The following HSD17B11 variants were observed in gnomAD, a reference collection of about 807,000 sequenced individuals.
The protein encoded by HSD17B11 is estradiol 17-beta-dehydrogenase 11.
In HSD17B11, 22 loss-of-function variants were observed where a neutral mutation model predicts 27.8. The ratio of observed to expected loss-of-function variants is 0.79; its 90% CI spans 0.56 to 1.13. The LOEUF is 1.13. HSD17B11 is among the 50% of genes most tolerant of loss of function. The probability of loss-of-function intolerance (pLI) is 0.00; values close to 1 mark genes in which losing one functional copy is unlikely to be tolerated. For synonymous variants in HSD17B11, 117 were observed against 132.8 expected, an observed-to-expected ratio of 0.88 and a Z score of 0.82; for missense variants, 314 against 351.1, an observed-to-expected ratio of 0.89 and a Z score of 0.84.
chr4:87,383,648 G>A (rs796498837), intron 1 of HSD17B11, among the ~76,000 whole-genome samples: 17 of 152,072 alleles, frequency 1.1e-4, no homozygotes, highest in African/African-American at 4.1e-4. Context: ...GTCCAATTTG[G>A]GGCGCCAATT....
intron 5 of HSD17B11, among the ~76,000 whole-genome samples, chr4:87,341,440 G>A (rs1401088386): frequency 1.3e-5 from 2 of 152,184 alleles, no homozygotes; most frequent in East Asian, 1.9e-4. Flanking sequence ...CCAAAGTGCC[G>A]GGATTGCAGG....
chr4:87,357,333 G>A lies in HSD17B11; in HGVS notation c.641C>T (p.Thr214Ile), dbSNP rs1165344555. 1.2e-6 allele frequency: 2 copies of A among 1,612,684 alleles called. No individual in the cohort carries two copies. The highest frequency in any genetic ancestry group is 1.7e-6 in the Non-Finnish European group (2 of 1,179,578). The change falls in exon 5 of 7, where the codon ACA becomes ATA. Residue 214 changes from threonine (T) to isoleucine (I), a missense_variant. By Grantham distance (89) the Thr-to-Ile change is moderately conservative. Transcript: ENST00000358290. ...AALQITGVKT[T>I]CLCPNFVNTG... The stretch of plus-strand genomic sequence containing the variant: ...GTTTACGAAATTAGGACACAGACAT[G>A]TTGTTTTGACTCCAGTTATTTGTAA...
chr4:87,359,970 A>G (rs1414043395), intron 4 of HSD17B11, among the ~76,000 whole-genome samples: 1 of 152,254 alleles, frequency 6.6e-6, no homozygotes, highest in African/African-American at 2.4e-5. Context: ...ACAATACTCT[A>G]ATAGATAAAT....
rs1720011511 is a variant in HSD17B11 at position 87,378,861 on chromosome 4, TATATAAA to T, written c.318+3387_318+3393del. 2.0e-4 allele frequency among the ~76,000 whole-genome samples: 5 copies of T among 24,660 alleles called. 2 individuals are homozygous for T. Among genetic ancestry groups the T allele is most frequent in the African/African-American group, 1.6e-3 (5 of 3,056 alleles). 16.2% of individuals were successfully genotyped at this position (24,660 alleles called of 152,430 possible). A position where few individuals can be genotyped will look rare whatever the true frequency, so the allele number is the denominator to read the frequency against. ...ATATATATAAATATATATATAAATA[TATATAAA>T]TATATATATATAAATATATATATAT... On this transcript the variant is annotated intron_variant, in intron 2 of 6. Coordinates refer to ENST00000358290, the MANE Select transcript of HSD17B11 (RefSeq NM_016245.5).
intron 5 of HSD17B11, among the ~76,000 whole-genome samples, chr4:87,355,850 G>C (rs1212917002): frequency 6.6e-6 from 1 of 152,108 alleles, no homozygotes; most frequent in Admixed American, 6.5e-5. Context: ...GTTGCAGTGA[G>C]CCGAGATTGC....
chr4:87,378,549 T>C (rs550140160), intron 2 of HSD17B11, among the ~76,000 whole-genome samples: 72 of 151,450 alleles, frequency 4.8e-4, no homozygotes, highest in African/African-American at 1.6e-3. Flanking sequence ...TCATTTTTAC[T>C]AACAAAAAAT....
intron 1 of HSD17B11, among the ~76,000 whole-genome samples, chr4:87,382,695 T>A (rs191233055): frequency 6.6e-6 from 1 of 152,360 alleles, no homozygotes; most frequent in East Asian, 1.9e-4. Context: ...AAATGTAACA[T>A]TAAACTTTTT....
chr4:87,369,639 T>C (rs1735673722), intron 4 of HSD17B11, among the ~76,000 whole-genome samples: 1 of 152,128 alleles, frequency 6.6e-6, no homozygotes, highest in African/African-American at 2.4e-5. Context: ...CTTGCTATGT[T>C]ACCCAAGCTA....
chr4:87,364,157 T>G (rs1176842442), intron 4 of HSD17B11, among the ~76,000 whole-genome samples: 3 of 152,048 alleles, frequency 2.0e-5, no homozygotes, highest in African/African-American at 7.2e-5. Context: ...TGTTTTGTTT[T>G]GTTTTGTTTT....
chr4:87,369,330 A>G (rs777267573), intron 4 of HSD17B11, among the ~76,000 whole-genome samples: 6 of 152,200 alleles, frequency 3.9e-5, no homozygotes. Flanking sequence ...TGCACTTTGT[A>G]ACATTACATC....
intron 2 of HSD17B11, among the ~76,000 whole-genome samples, chr4:87,381,596 C>G (rs916756008): frequency 2.0e-5 from 3 of 151,122 alleles, no homozygotes; most frequent in African/African-American, 7.3e-5. Context: ...CGTTTTCTAC[C>G]AAAAATACAA....
chr4:87,354,642 CAAAAAAAAT>C (rs1403092421), intron 5 of HSD17B11, among the ~76,000 whole-genome samples: 6 of 121,440 alleles, frequency 4.9e-5, no homozygotes, highest in East Asian at 2.0e-4. Context: ...ATCCTTGTCT[CAAAAAAAAT>C]AAAAAAAATA....
chr4:87,370,669 G>A (rs940387990), intron 4 of HSD17B11, among the ~76,000 whole-genome samples: 15 of 150,428 alleles, frequency 1.0e-4, no homozygotes, highest in African/African-American at 1.5e-4. Flanking sequence ...CGCTTGCCTC[G>A]GCCTCCCAAA....
At chr4:87,362,738 T>C (rs893308015) in intron 4 of HSD17B11, among the ~76,000 whole-genome samples, 3 of 152,064 alleles carry the variant, frequency 2.0e-5, no homozygotes, top group Non-Finnish European at 4.4e-5. Flanking sequence ...TGGGGAGCTT[T>C]TTCCTGCCTA....
chr4:87,363,253 T>G (rs1486951349), intron 4 of HSD17B11, among the ~76,000 whole-genome samples: 2 of 152,182 alleles, frequency 1.3e-5, no homozygotes, highest in African/African-American at 2.4e-5. Context: ...AAGAATTTGT[T>G]ACCAGTCAGA....
intron 5 of HSD17B11, among the ~76,000 whole-genome samples, chr4:87,356,548 G>C (rs1234822247): frequency 6.6e-6 from 1 of 152,102 alleles, no homozygotes; most frequent in Non-Finnish European, 1.5e-5. Context: ...CTAGAAGGAT[G>C]TTTATCAAAA....
intron 4 of HSD17B11, among the ~76,000 whole-genome samples, chr4:87,370,620 T>C (rs980562636): frequency 6.6e-6 from 1 of 151,408 alleles, no homozygotes; most frequent in Non-Finnish European, 1.5e-5. Flanking sequence ...GGTTTCACCA[T>C]GTTGGCCAGG....
intron 4 of HSD17B11, among the ~76,000 whole-genome samples, chr4:87,364,792 C>T (rs993347749): frequency 2.6e-5 from 4 of 152,198 alleles, no homozygotes; most frequent in Non-Finnish European, 4.4e-5. Flanking sequence ...TGCTTATTTG[C>T]TACTTATTTA....
At chr4:87,341,027 T>C (rs1383080789) in intron 5 of HSD17B11, among the ~76,000 whole-genome samples, 1 of 152,244 alleles carries the variant, frequency 6.6e-6, no homozygotes, top group East Asian at 1.9e-4. Context: ...TTTTATTATA[T>C]ACTCAGTCTC....
Sources: gnomAD v4.1 joint callset for allele counts (sites outside exome capture counted in the v4.1 genomes callset) on GRCh38, gnomAD v4.1.1 for gene constraint, MANE v1.5 for transcripts, NCBI Gene and HGNC (gene_info 2026-07-23, HGNC 2026-07-21) for gene names.